TMEM132C: variants seen among roughly 807,000 people sequenced by gnomAD.
The protein encoded by TMEM132C is protein phosphatase 1, regulatory subunit 152.
In TMEM132C, 29 loss-of-function variants were observed where a neutral mutation model predicts 61.4. The observed-to-expected ratio is 0.47, with a 90% CI of 0.35 to 0.64. TMEM132C has a LOEUF of 0.64. Among genes scored for constraint, TMEM132C ranks in the 30% least tolerant of loss-of-function variants. The probability of loss-of-function intolerance (pLI) is 0.00; values close to 1 mark genes in which losing one functional copy is unlikely to be tolerated. For synonymous variants in TMEM132C, 656 were observed against 633.1 expected (o/e 1.04, Z -0.54); for missense variants, 1,408 against 1,476.9 (o/e 0.95, Z 0.76).
At chr12:128,411,209 G>A (rs1449779564) in intron 1 of TMEM132C, among the ~76,000 whole-genome samples, 1 of 152,124 alleles carries the variant, frequency 6.6e-6, no homozygotes, top group Non-Finnish European at 1.5e-5. Flanking sequence ...TGTGTCCTTT[G>A]TAATTCAGTG....
intron 1 of TMEM132C, among the ~76,000 whole-genome samples, chr12:128,322,533 A>C (rs1055390936): frequency 2.6e-5 from 4 of 152,222 alleles, no homozygotes; most frequent in Admixed American, 1.3e-4. Context: ...TGTTAGGAGG[A>C]TGCTGGACAG....
chr12:128,290,337 GGAGA>G lies in TMEM132C; in HGVS notation c.85+22860_85+22863del, dbSNP rs374065598. ...GCAAGGGACGTCCTACATGGCAGCA[GGAGA>G]GAGAGAGAGTGAAGGGGGAAGTGCC... On this transcript the variant is annotated intron_variant, in intron 1 of 8. Coordinates refer to ENST00000435159, the MANE Select transcript of TMEM132C (RefSeq NM_001136103.3). Among the ~76,000 whole-genome samples the G allele has an allele frequency of 9.9e-5, 15 of 152,046 alleles. No individual in the cohort carries two copies. The East Asian group carries it at 2.7e-3, about 28-fold the overall frequency.
At chr12:128,508,395 G>T (rs1872451793) in intron 2 of TMEM132C, among the ~76,000 whole-genome samples, 1 of 152,180 alleles carries the variant, frequency 6.6e-6, no homozygotes, top group Admixed American at 6.5e-5. Flanking sequence ...ATCAGTGGGT[G>T]ACCCATCCAA....
rs569767015 is a variant in TMEM132C at position 128,549,618 on chromosome 12, T to C, written c.1121+5515T>C. Among the ~76,000 whole-genome samples the C allele has an allele frequency of 5.3e-5, 8 of 152,222 alleles. No individual in the cohort carries two copies. In the South Asian group the frequency reaches 1.5e-3, roughly 28 times the overall value. On this transcript the variant is annotated intron_variant, in intron 3 of 8. Coordinates refer to ENST00000435159, the MANE Select transcript of TMEM132C (RefSeq NM_001136103.3). Reference sequence around the variant, plus strand: ...TATCGGGGGAAGTTCAAAGATGAGATACTTAAAGACTGTCCCAAATACGAA... The same window carrying C: ...TATCGGGGGAAGTTCAAAGATGAGACACTTAAAGACTGTCCCAAATACGAA...
intron 1 of TMEM132C, among the ~76,000 whole-genome samples, chr12:128,361,820 C>G: frequency 6.6e-6 from 1 of 152,068 alleles, no homozygotes; most frequent in East Asian, 1.9e-4. Flanking sequence ...TAAGCTTTTT[C>G]TTCTAAGGAT....
At chr12:128,528,280 A>T (rs1235594897) in intron 2 of TMEM132C, among the ~76,000 whole-genome samples, 1 of 152,108 alleles carries the variant, frequency 6.6e-6, no homozygotes, top group African/African-American at 2.4e-5. Context: ...CTTTGCTTTG[A>T]AACTCTCCTG....
intron 5 of TMEM132C, among the ~76,000 whole-genome samples, chr12:128,673,245 T>C (rs949884481): frequency 6.6e-6 from 1 of 152,172 alleles, no homozygotes; most frequent in African/African-American, 2.4e-5. Context: ...ACGATGGCAG[T>C]AGTACTCTTA....
intron 5 of TMEM132C, among the ~76,000 whole-genome samples, chr12:128,682,138 T>A (rs1220006919): frequency 1.3e-5 from 2 of 152,162 alleles, no homozygotes; most frequent in East Asian, 3.9e-4. Context: ...CTGATTGGCT[T>A]AGGCCATCGT....
rs373188895 is a variant in TMEM132C at position 128,631,186 on chromosome 12, C to T, written c.1305+14851C>T. On this transcript the variant is annotated intron_variant, in intron 4 of 8. Transcript: ENST00000435159. ...TTGGTCGTAATGGTCTGTGTCTGCA[C>T]TGTCCACTCTGGGGACCACCAGCTA... 3.3e-5 allele frequency among the ~76,000 whole-genome samples: 5 copies of T among 152,214 alleles called. No homozygotes were observed. In the East Asian group the frequency reaches 9.6e-4, roughly 29 times the overall value.
intron 2 of TMEM132C, among the ~76,000 whole-genome samples, chr12:128,494,149 T>C (rs564742060): frequency 0.012 from 1,840 of 152,282 alleles, 43 homozygotes; most frequent in African/African-American, 0.041. Flanking sequence ...TGCTGGATTA[T>C]GTTTATTGAT....
chr12:128,306,479 G>C (rs1200785210), intron 1 of TMEM132C, among the ~76,000 whole-genome samples: 1 of 152,064 alleles, frequency 6.6e-6, no homozygotes, highest in East Asian at 1.9e-4. Context: ...TGGGATTACA[G>C]GCGTGAGCCA....
intron 3 of TMEM132C, among the ~76,000 whole-genome samples, chr12:128,601,128 C>A (rs544212519): frequency 1.3e-5 from 2 of 152,244 alleles, no homozygotes; most frequent in East Asian, 1.9e-4. Context: ...GCGTGTCTTT[C>A]CTGGAAGGTC....
rs1055006229 is a variant in TMEM132C, at chr12:128,368,882, G to A, written c.86-45850G>A. 3.3e-5 allele frequency among the ~76,000 whole-genome samples: 5 copies of A among 152,320 alleles called. No individual in the cohort carries two copies. The East Asian group carries it at 9.7e-4, about 29-fold the overall frequency. ...AAGGCACACCAAAGGCACGAAGAGA[G>A]GCTTTGGGGAACTGAACTCGCCCCT... On this transcript the variant is annotated intron_variant, in intron 1 of 8. Coordinates refer to ENST00000435159, the MANE Select transcript of TMEM132C (RefSeq NM_001136103.3).
intron 1 of TMEM132C, among the ~76,000 whole-genome samples, chr12:128,269,514 C>G (rs1434093620): frequency 4.6e-5 from 7 of 152,082 alleles, no homozygotes; most frequent in African/African-American, 1.7e-4. Flanking sequence ...AGGGAAAGTG[C>G]TGAAAACTAG....
chr12:128,579,959 G>GA (rs35551990), intron 3 of TMEM132C, among the ~76,000 whole-genome samples: 101,779 of 151,342 alleles, frequency 0.67, 36,362 homozygotes, highest in Non-Finnish European at 0.8. Flanking sequence ...TAAAGAGGAT[G>GA]GGAGGTTCAA....
intron 3 of TMEM132C, among the ~76,000 whole-genome samples, chr12:128,587,096 C>G (rs192543857): frequency 6.6e-6 from 1 of 152,244 alleles, no homozygotes; most frequent in Non-Finnish European, 1.5e-5. Context: ...TCAGGGAATG[C>G]GTTCTTGTGG....
chr12:128,570,407 C>T lies in TMEM132C; in HGVS notation c.1121+26304C>T, dbSNP rs1565977158. 6.6e-6 allele frequency among the ~76,000 whole-genome samples: 1 copy of T among 152,208 alleles called. No individual in the cohort carries two copies. The highest frequency in any genetic ancestry group is 2.4e-5 in the African/African-American group (1 of 41,448). On this transcript the variant is annotated intron_variant, in intron 3 of 8. Coordinates refer to ENST00000435159, the MANE Select transcript of TMEM132C (RefSeq NM_001136103.3). The surrounding 1 kb of genome is among the most constrained non-coding windows in gnomAD (Gnocchi z 4.7). ...ACATGCACGTCAGAGAAAAACTGCT[C>T]TGATGAATGGGTCTTGGGTTAGACT...
At chr12:128,503,247 C>T (rs549288746) in intron 2 of TMEM132C, among the ~76,000 whole-genome samples, 17 of 152,328 alleles carry the variant, frequency 1.1e-4, no homozygotes, top group East Asian at 3.9e-4. Flanking sequence ...ATGGGGCTTT[C>T]GGAGTTCATC....
At chr12:128,474,331 C>T (rs1238065581) in intron 2 of TMEM132C, among the ~76,000 whole-genome samples, 1 of 152,130 alleles carries the variant, frequency 6.6e-6, no homozygotes, top group African/African-American at 2.4e-5. Context: ...CTGGGCCCAC[C>T]ATTTGCAGGA....
Sources: gnomAD v4.1 joint callset for allele counts (sites outside exome capture counted in the v4.1 genomes callset) on GRCh38, gnomAD v4.1.1 for gene constraint, Gnocchi (gnomAD v3.1) non-coding constraint, MANE v1.5 for transcripts, NCBI Gene and HGNC (gene_info 2026-07-23, HGNC 2026-07-21) for gene names.